PCDHGA1: variants seen among roughly 807,000 people sequenced by gnomAD.
PCDHGA1 encodes protocadherin gamma-A1.
In PCDHGA1, 32 loss-of-function variants were observed where a neutral mutation model predicts 58.0. The observed-to-expected ratio is 0.55, with a 90% CI of 0.42 to 0.74. The LOEUF (loss-of-function observed/expected upper bound fraction) is 0.74, where lower values mean the gene tolerates loss of function less well. PCDHGA1 is among the 30% of genes least tolerant of loss of function. PCDHGA1 has a pLI of 0.00. For synonymous variants in PCDHGA1, 498 were observed against 501.1 expected (o/e 0.99, Z 0.08); for missense variants, 1,205 against 1,182.3 (o/e 1.02, Z -0.28).
chr5:141,433,098 T>G, intron 1 of PCDHGA1: 1 of 1,614,204 alleles, frequency 6.2e-7, no homozygotes, highest in Non-Finnish European at 8.5e-7. Context: ...GACATGCTCG[T>G]CAGCCAGGAG....
intron 1 of PCDHGA1, chr5:141,393,024 A>G (rs755325492): frequency 6.2e-7 from 1 of 1,613,834 alleles, no homozygotes; most frequent in East Asian, 2.2e-5. Context: ...CTCCAGAGGT[A>G]GGACGCAGCT....
Position 141,385,307 on chromosome 5 carries a change from A to G in PCDHGA1, c.2421+52202A>G, listed in dbSNP as rs766207712. The stretch of plus-strand genomic sequence containing the variant: ...GTAGATTTTCAGGAATGTAAAGAAA[A>G]CCTGCCAAGTATTCAGGTGAGCCCA... On this transcript the variant is annotated intron_variant, in intron 1 of 3. Transcript: ENST00000517417. 19 of 1,612,402 alleles carry G rather than the reference A, an allele frequency of 1.2e-5. No homozygotes were observed. Among genetic ancestry groups the G allele is most frequent in the African/African-American group, 2.7e-5 (2 of 74,932 alleles).
intron 1 of PCDHGA1, chr5:141,351,362 C>A (rs867459693): frequency 1.3e-5 from 21 of 1,612,386 alleles, no homozygotes; most frequent in Non-Finnish European, 1.8e-5. Context: ...CATAAAAGTG[C>A]GAGACAAGGA....
intron 1 of PCDHGA1, chr5:141,398,169 G>T (rs2093619628): frequency 5.4e-6 from 8 of 1,477,440 alleles, no homozygotes; most frequent in Admixed American, 2.6e-5. Flanking sequence ...CTGAGAGGCT[G>T]CCAGTGCTCT....
Position 141,332,197 on chromosome 5 carries a change from C to T in PCDHGA1, c.1513C>T (p.Leu505Phe), listed in dbSNP as rs1441039523. The T allele has an allele frequency of 6.2e-7, 1 of 1,614,104 alleles. No individual in the cohort carries two copies. ...CCAGGGGGCACCCCTATCTGCCTAC[C>T]TCTCCATCAACTCCGACACTGGGGT... is the stretch of plus-strand genomic sequence containing the variant. Reference protein sequence around the residue: ...TIQGAPLSAYLSINSDTGVLY... With the variant: ...TIQGAPLSAYFSINSDTGVLY... Residue 505 changes from leucine (L) to phenylalanine (F), a missense_variant, in exon 1 of 4, where the codon CTC (leucine) becomes TTC (phenylalanine). Physicochemically the swap from Leu to Phe is conservative, Grantham distance 22. Coordinates refer to ENST00000517417, the MANE Select transcript of PCDHGA1 (RefSeq NM_018912.3). This position sits in a 1 kb window ranked among gnomAD's most constrained non-coding sequence, Gnocchi z 4.6.
rs1419016534 is a variant in PCDHGA1, at chr5:141,355,792, C to A, written c.2421+22687C>A. On this transcript the variant is annotated intron_variant, in intron 1 of 3. Coordinates refer to ENST00000517417, the MANE Select transcript of PCDHGA1 (RefSeq NM_018912.3). Reference sequence around the variant, plus strand: ...TAAGTACCCAGAGCTGGTGCTGGAACGCGCTCTAGATCGCGAGGAAGAGGC... The same window carrying A: ...TAAGTACCCAGAGCTGGTGCTGGAAAGCGCTCTAGATCGCGAGGAAGAGGC... 8.1e-6 allele frequency: 13 copies of A among 1,613,562 alleles called. No individual in the cohort carries two copies. The South Asian group carries it at 1.3e-4, about 16-fold the overall frequency.
intron 1 of PCDHGA1, chr5:141,410,860 T>TTTTTTTTTTTTTTTTTTG: frequency 2.3e-6 from 1 of 442,030 alleles, no homozygotes; most frequent in Non-Finnish European, 3.7e-6. Flanking sequence ...TTTTTTTTTT[T>TTTTTTTTTTTTTTTTTTG]TTTTTTTTTT....
At chr5:141,357,630 A>G (rs144995438) in intron 1 of PCDHGA1, 4 of 1,613,314 alleles carry the variant, frequency 2.5e-6, no homozygotes, top group African/African-American at 2.7e-5. Context: ...AGGTGAGTCA[A>G]TCTTATAATA....
At chr5:141,375,806 G>A in intron 1 of PCDHGA1, 1 of 1,614,206 alleles carries the variant, frequency 6.2e-7, no homozygotes, top group Non-Finnish European at 8.5e-7. Context: ...TTCCACTGGC[G>A]TGGAGCTGGC....
intron 1 of PCDHGA1, chr5:141,383,450 G>T: frequency 6.2e-7 from 1 of 1,613,960 alleles, no homozygotes; most frequent in South Asian, 1.1e-5. Flanking sequence ...GCTGTGCAAA[G>T]TGGAGACGAT....
intron 1 of PCDHGA1, chr5:141,370,503 A>G (rs748568683): frequency 1.2e-6 from 2 of 1,613,814 alleles, no homozygotes; most frequent in Non-Finnish European, 1.7e-6. Flanking sequence ...CCGCTACGCT[A>G]TTCCCGAGGA....
At chr5:141,444,672 A>G (rs990955921) in intron 1 of PCDHGA1, among the ~76,000 whole-genome samples, 2 of 152,086 alleles carry the variant, frequency 1.3e-5, no homozygotes, top group Non-Finnish European at 2.9e-5. Flanking sequence ...ATTTTTTTCA[A>G]TACCATTTAT....
Position 141,331,513 on chromosome 5 carries a change from G to C in PCDHGA1, c.829G>C (p.Val277Leu), listed in dbSNP as rs1395826027. The change falls in exon 1 of 4, where the codon GTA becomes CTA. Residue 277 changes from valine (V) to leucine (L), a missense_variant. Val to Leu is a conservative substitution (Grantham distance 32). Coordinates refer to ENST00000517417, the MANE Select transcript of PCDHGA1 (RefSeq NM_018912.3). Reference protein sequence around the residue: ...TDPDEGANGEVTYSFHNVDHR... With the variant: ...TDPDEGANGELTYSFHNVDHR... ...CCCTGATGAGGGAGCCAATGGGGAA[G>C]TAACGTACTCCTTTCACAATGTAGA... 1 of 1,614,068 alleles carries C rather than the reference G, an allele frequency of 6.2e-7. No individual in the cohort carries two copies. Among genetic ancestry groups the C allele is most frequent in the African/African-American group, 1.3e-5 (1 of 74,920 alleles).
Position 141,486,567 on chromosome 5 carries a change from C to T in PCDHGA1, c.2422-8240C>T, listed in dbSNP as rs1562113360. On this transcript the variant is annotated intron_variant, in intron 1 of 3. Transcript: ENST00000517417. The surrounding 1 kb of genome is among the most constrained non-coding windows in gnomAD (Gnocchi z 5.0). ...CAGAGGTCACATGAGGTGTTTGTTCCTGAGAACAATCGCCCAGGGGACCTG... is the reference window on the plus strand; with the variant it reads ...CAGAGGTCACATGAGGTGTTTGTTCTTGAGAACAATCGCCCAGGGGACCTG... The T allele has an allele frequency of 6.2e-7, 1 of 1,613,918 alleles. No homozygotes were observed. The highest frequency in any genetic ancestry group is 8.5e-7 in the Non-Finnish European group (1 of 1,179,986).
intron 1 of PCDHGA1, chr5:141,419,581 C>T: frequency 6.2e-7 from 1 of 1,611,888 alleles, no homozygotes; most frequent in South Asian, 1.1e-5. Context: ...GCTCCGCGCT[C>T]TTCGACACAG....
intron 1 of PCDHGA1, among the ~76,000 whole-genome samples, chr5:141,480,106 A>C (rs1466691134): frequency 6.6e-6 from 1 of 152,196 alleles, no homozygotes; most frequent in Non-Finnish European, 1.5e-5. Context: ...AGTGTTTAGC[A>C]TGGTGCCTGG....
intron 1 of PCDHGA1, chr5:141,415,515 G>C: frequency 6.2e-7 from 1 of 1,614,152 alleles, no homozygotes; most frequent in Non-Finnish European, 8.5e-7. Flanking sequence ...CCAATTATGC[G>C]GACACGCTCA....
intron 1 of PCDHGA1, chr5:141,340,182 T>G (rs1249501921): frequency 2.5e-6 from 4 of 1,614,122 alleles, no homozygotes; most frequent in African/African-American, 2.7e-5. Context: ...TACTACCGAC[T>G]GGTTACAACC....
rs747049833 is a variant in PCDHGA1 at position 141,372,558 on chromosome 5, G to T, written c.2421+39453G>T. 2.5e-6 allele frequency: 4 copies of T among 1,614,002 alleles called. No individual in the cohort carries two copies. In the South Asian group the frequency reaches 4.4e-5, roughly 18 times the overall value. ...GCGCCTGCGATGCTCCTCCAGACCC[G>T]CCACTGAGGGCTACTTTCAGCCTGG... On this transcript the variant is annotated intron_variant, in intron 1 of 3. Transcript: ENST00000517417.
Sources: allele counts gnomAD v4.1 joint callset (sites outside exome capture counted in the v4.1 genomes callset), GRCh38; gene constraint gnomAD v4.1.1; non-coding constraint Gnocchi (gnomAD v3.1); transcripts MANE v1.5; gene names NCBI Gene and HGNC (gene_info 2026-07-23, HGNC 2026-07-21).